USH2A: variants seen among roughly 807,000 people sequenced by gnomAD.
The protein encoded by USH2A is usherin.
USH2A carries 443 observed loss-of-function variants against 538.9 expected under a neutral mutation model. The observed-to-expected ratio is 0.82, with a 90% CI of 0.76 to 0.89. The LOEUF is 0.89. Among genes scored for constraint, USH2A ranks in the 40% least tolerant of loss-of-function variants. The pLI, the probability that USH2A is intolerant of heterozygous loss-of-function variation, is 0.00. For synonymous variants in USH2A, 2,413 were observed against 2,273.5 expected (o/e 1.06, Z -1.75); for missense variants, 6,633 against 6,324.8 (o/e 1.05, Z -1.65).
chr1:215,694,349 A>G (rs2820703), intron 61 of USH2A, among the ~76,000 whole-genome samples: 116,696 of 152,156 alleles, frequency 0.77, 45,080 homozygotes, highest in Non-Finnish European at 0.81. Context: ...CAAGGCGGGT[A>G]GATCAGGAGG....
chr1:215,854,698 T>C (rs11487882), intron 44 of USH2A, among the ~76,000 whole-genome samples: 6,712 of 152,250 alleles, frequency 0.044, 524 homozygotes, highest in African/African-American at 0.15. Flanking sequence ...CAGTGCCTGA[T>C]TTACATAGGG....
intron 46 of USH2A, among the ~76,000 whole-genome samples, chr1:215,843,095 T>C (rs1663730561): frequency 6.6e-6 from 1 of 152,084 alleles, no homozygotes; most frequent in Non-Finnish European, 1.5e-5. Context: ...GAGACTAAAG[T>C]GTTGGTTGTA....
In USH2A at chr1:215,897,350, C is replaced by T. The variant is rs143003361; in HGVS notation, c.7594+2725G>A. Among the ~76,000 whole-genome samples the T allele has an allele frequency of 7.9e-5, 12 of 152,260 alleles. No homozygotes were observed. The East Asian group carries it at 1.9e-3, about 25-fold the overall frequency. On this transcript the variant is annotated intron_variant, in intron 40 of 71. Coordinates refer to ENST00000307340, the MANE Select transcript of USH2A (RefSeq NM_206933.4). ...TAAATGTGGGCACGAGGCGACTTCT[C>T]TGTTTCGTTCTGTAAGACGATATGT...
At chr1:216,318,058 A>C (rs183632736) in intron 9 of USH2A, among the ~76,000 whole-genome samples, 74 of 152,274 alleles carry the variant, frequency 4.9e-4, no homozygotes, top group Middle Eastern at 3.4e-3. Flanking sequence ...CCCTGAATTC[A>C]CCATTCACCT....
intron 32 of USH2A, among the ~76,000 whole-genome samples, chr1:216,023,457 G>GAAAAAAAAAAAAA (rs1571897159): frequency 2.6e-4 from 1 of 3,848 alleles, no homozygotes; most frequent in Non-Finnish European, 5.0e-4. Flanking sequence ...GTTCAAAGCA[G>GAAAAAAAAAAAAA]ACAAAAAAAA....
intron 21 of USH2A, among the ~76,000 whole-genome samples, chr1:216,168,151 T>TA (rs1485056538): frequency 6.6e-6 from 1 of 152,194 alleles, no homozygotes; most frequent in East Asian, 1.9e-4. Flanking sequence ...CTAGTTTCAC[T>TA]ACCATTGCTG....
At chr1:216,329,097 T>C (rs1356884421) in intron 4 of USH2A, among the ~76,000 whole-genome samples, 1 of 152,126 alleles carries the variant, frequency 6.6e-6, no homozygotes, top group African/African-American at 2.4e-5. Context: ...CTCTACTCTA[T>C]CTATCCTAAA....
At position 216,410,012 on chromosome 1, in the gene USH2A, CT is replaced by C. The variant is rs772679501; in HGVS notation, c.651+8501del. Among the ~76,000 whole-genome samples, 47 of 151,902 alleles carry C rather than the reference CT, an allele frequency of 3.1e-4. 1 individual carries two copies. Among genetic ancestry groups the C allele is most frequent in the Non-Finnish European group, 1.2e-4 (8 of 67,936 alleles). On this transcript the variant is annotated intron_variant, in intron 3 of 71. Coordinates refer to ENST00000307340, the MANE Select transcript of USH2A (RefSeq NM_206933.4). ...GCCTCTATAACAAACTTCAACAAAT[CT>C]ACAAGAAAAAAACAACCCTATTAAA...
At chr1:215,812,110 G>A (rs1218463826) in intron 49 of USH2A, among the ~76,000 whole-genome samples, 3 of 142,638 alleles carry the variant, frequency 2.1e-5, no homozygotes, top group Admixed American at 7.4e-5. Flanking sequence ...TCAGCCTCCC[G>A]AGAAGCTGGG....
At chr1:216,008,049 T>G (rs192968891) in intron 32 of USH2A, among the ~76,000 whole-genome samples, 90 of 152,218 alleles carry the variant, frequency 5.9e-4, no homozygotes, top group Admixed American at 5.8e-3. Context: ...AATTGAAATG[T>G]TTTCTAAGTT....
At chr1:216,152,850 G>C (rs1331378883) in intron 21 of USH2A, among the ~76,000 whole-genome samples, 5 of 152,198 alleles carry the variant, frequency 3.3e-5, no homozygotes, top group Non-Finnish European at 7.3e-5. Context: ...CCCAAGTGTT[G>C]CCTTTTGGCC....
chr1:216,107,491 A>G (rs2102582521), intron 21 of USH2A, among the ~76,000 whole-genome samples: 1 of 151,716 alleles, frequency 6.6e-6, no homozygotes, highest in South Asian at 2.1e-4. Context: ...TTTACTTTTA[A>G]GCTTTTTATG....
At chr1:216,390,837 G>GCA (rs1352230831) in intron 3 of USH2A, among the ~76,000 whole-genome samples, 2 of 152,088 alleles carry the variant, frequency 1.3e-5, no homozygotes, top group Non-Finnish European at 2.9e-5. Context: ...TCATCAATAA[G>GCA]ACTCCTTAAA....
At chr1:216,277,346 C>T (rs985683768) in intron 11 of USH2A, among the ~76,000 whole-genome samples, 1 of 152,106 alleles carries the variant, frequency 6.6e-6, no homozygotes, top group Non-Finnish European at 1.5e-5. Flanking sequence ...CAAGCTGTTT[C>T]TCCTCCTATG....
At chr1:216,126,213 G>T (rs971330408) in intron 21 of USH2A, among the ~76,000 whole-genome samples, 3 of 135,046 alleles carry the variant, frequency 2.2e-5, no homozygotes, top group Admixed American at 8.2e-5. Context: ...TGCTTTTTTT[G>T]TTGTTGTTGT....
intron 13 of USH2A, among the ~76,000 whole-genome samples, chr1:216,238,912 C>A (rs553905960): frequency 1.3e-5 from 2 of 152,082 alleles, no homozygotes; most frequent in Non-Finnish European, 2.9e-5. Flanking sequence ...ATGCTGTCTG[C>A]CCCTGTGGTA....
chr1:216,042,446 G>C (rs1387056285), intron 32 of USH2A, among the ~76,000 whole-genome samples: 1 of 151,860 alleles, frequency 6.6e-6, no homozygotes, highest in Non-Finnish European at 1.5e-5. Flanking sequence ...GCTCTATACA[G>C]ATCCACTTTA....
At chr1:216,326,812 A>G (rs548221363) in intron 5 of USH2A, among the ~76,000 whole-genome samples, 63 of 152,320 alleles carry the variant, frequency 4.1e-4, no homozygotes, top group African/African-American at 1.4e-3. Context: ...ACTAATTTAT[A>G]TCTGCCTTGA....
intron 21 of USH2A, among the ~76,000 whole-genome samples, chr1:216,146,306 C>A (rs918396022): frequency 1.3e-5 from 2 of 152,182 alleles, no homozygotes; most frequent in Non-Finnish European, 2.9e-5. Flanking sequence ...CTCTTAATTT[C>A]AATTCCTTTC....
Sources: gnomAD v4.1 joint callset for allele counts (sites outside exome capture counted in the v4.1 genomes callset) on GRCh38, gnomAD v4.1.1 for gene constraint, MANE v1.5 for transcripts, NCBI Gene and HGNC (gene_info 2026-07-23, HGNC 2026-07-21) for gene names.